The following BBOF1 variants were observed in gnomAD, a reference collection of about 807,000 sequenced individuals.
BBOF1 encodes the protein basal body-orientation factor 1.
BBOF1 carries 62 observed loss-of-function variants against 68.0 expected under a neutral mutation model. The ratio of observed to expected loss-of-function variants is 0.91; its 90% CI spans 0.74 to 1.13. BBOF1 has a LOEUF of 1.13. Ranked by LOEUF, BBOF1 falls within the 50% of genes most tolerant of loss-of-function variation. The pLI, the probability that BBOF1 is intolerant of heterozygous loss-of-function variation, is 0.00. For synonymous variants in BBOF1, 208 were observed against 198.8 expected, an observed-to-expected ratio of 1.05 and a Z score of -0.39; for missense variants, 534 against 600.1, an observed-to-expected ratio of 0.89 and a Z score of 1.15.
chr14:74,050,938 G>A (rs984429510), intron 8 of BBOF1, among the ~76,000 whole-genome samples: 1 of 151,874 alleles, frequency 6.6e-6, no homozygotes, highest in East Asian at 1.9e-4. Context: ...GTGAAACCCT[G>A]TCCCACTAAA....
chr14:74,058,030 T>A, intron 11 of BBOF1: 2 of 544,736 alleles, frequency 3.7e-6, no homozygotes, highest in Non-Finnish European at 4.7e-6. Flanking sequence ...TGGATTGGAT[T>A]AAATATCACT....
rs190149575 is a variant in BBOF1 at position 74,028,605 on chromosome 14, C to T, written c.286-579C>T. On this transcript the variant is annotated intron_variant, in intron 2 of 11. Transcript: ENST00000394009. Reference sequence around the variant, plus strand: ...CTTCTTGAAACTCATCTTGGCTAGGCGCTATGGCTCACACCTATAATCCCA... The same window carrying T: ...CTTCTTGAAACTCATCTTGGCTAGGTGCTATGGCTCACACCTATAATCCCA... Among the ~76,000 whole-genome samples the T allele has an allele frequency of 7.2e-5, 11 of 151,824 alleles. No individual in the cohort carries two copies. In the East Asian group the frequency reaches 9.8e-4, roughly 13 times the overall value.
At chr14:74,066,534 T>C (rs1436532224), downstream of BBOF1, among the ~76,000 whole-genome samples, 1 of 152,162 alleles carries the variant, frequency 6.6e-6, no homozygotes, top group East Asian at 1.9e-4. Flanking sequence ...AGAGTTTGGT[T>C]GGGAGTTAGA....
chr14:74,061,286 T>C (rs1566824817), intron 11 of BBOF1, among the ~76,000 whole-genome samples: 1 of 150,402 alleles, frequency 6.6e-6, no homozygotes, highest in East Asian at 2.0e-4. Flanking sequence ...AGCTATTATA[T>C]AGTAGGCCAT....
chr14:74,076,295 C>A (rs756280797), intron 9 of BBOF1, among the ~76,000 whole-genome samples: 2 of 152,040 alleles, frequency 1.3e-5, no homozygotes, highest in Non-Finnish European at 2.9e-5. Context: ...AATCAGTAAA[C>A]GGGGAGGATC....
chr14:74,039,595 A>ATT (rs35078321), intron 4 of BBOF1, among the ~76,000 whole-genome samples: 2,030 of 145,032 alleles, frequency 0.014, 46 homozygotes, highest in African/African-American at 0.046. Context: ...CGCCTGGCTA[A>ATT]TTTTTTTTTT....
intron 9 of BBOF1, among the ~76,000 whole-genome samples, chr14:74,056,194 G>C (rs2060198177): frequency 7.7e-6 from 1 of 130,682 alleles, no homozygotes; most frequent in South Asian, 2.8e-4. Flanking sequence ...ACAACGCCCG[G>C]CTAATTTTTT....
intron 10 of BBOF1, among the ~76,000 whole-genome samples, chr14:74,078,850 A>T (rs2060641476): frequency 6.6e-6 from 1 of 151,436 alleles, no homozygotes; most frequent in Non-Finnish European, 1.5e-5. Flanking sequence ...TTTTTAGTAG[A>T]GACAGTGTTT....
intron 8 of BBOF1, among the ~76,000 whole-genome samples, chr14:74,053,432 C>T (rs1037855763): frequency 2.0e-5 from 3 of 149,714 alleles, no homozygotes; most frequent in Non-Finnish European, 4.4e-5. Flanking sequence ...TTTTTTGAGA[C>T]GGTCTCACTC....
intron 11 of BBOF1, chr14:74,060,836 C>CACTTTA: frequency 1.1e-6 from 1 of 895,834 alleles, no homozygotes. Context: ...TTATAAAGTG[C>CACTTTA]TACTCACTTT....
At chr14:74,049,628 C>G (rs1457170461) in intron 7 of BBOF1, 74 bp from the exon 8 acceptor site, 1 of 1,344,348 alleles carries the variant, frequency 7.4e-7, no homozygotes, top group Non-Finnish European at 9.9e-7. Context: ...TGCCACTGCC[C>G]TCCAGCCTGG....
downstream of BBOF1, chr14:74,071,035 C>T (rs573772267): frequency 3.5e-5 from 26 of 751,396 alleles, no homozygotes; most frequent in African/African-American, 1.4e-4. Flanking sequence ...GTTACCTTGG[C>T]GCACAAAGAT....
intron 1 of BBOF1, among the ~76,000 whole-genome samples, chr14:74,022,234 A>G (rs1021300774): frequency 6.6e-6 from 1 of 152,034 alleles, no homozygotes; most frequent in African/African-American, 2.4e-5. Context: ...ATATGGGAGA[A>G]TCAAATAAGT....
At chr14:74,022,765 C>T (rs2059332028) in intron 1 of BBOF1, 151 bp from the exon 2 acceptor site, 2 of 387,536 alleles carry the variant, frequency 5.2e-6, no homozygotes, top group African/African-American at 2.1e-5. Flanking sequence ...CTTATTCTTC[C>T]AACAATATTT....
intron 11 of BBOF1, chr14:74,060,535 A>G (rs761987609): frequency 1.0e-5 from 9 of 865,510 alleles, no homozygotes; most frequent in African/African-American, 8.3e-5. Flanking sequence ...TTTAGTTACA[A>G]TGTATTCCAA....
intron 2 of BBOF1, among the ~76,000 whole-genome samples, chr14:74,027,149 C>A (rs1293159550): frequency 1.6e-5 from 2 of 122,582 alleles, no homozygotes; most frequent in Non-Finnish European, 3.2e-5. Flanking sequence ...TGCAGTGGTG[C>A]GATCTTGGCT....
intron 9 of BBOF1, among the ~76,000 whole-genome samples, chr14:74,056,551 G>T (rs2060211775): frequency 6.6e-6 from 1 of 152,010 alleles, no homozygotes; most frequent in Admixed American, 6.6e-5. Context: ...GGCCAGGCTG[G>T]TCACAAACTC....
At chr14:74,060,532 A>G (rs1306666124) in intron 11 of BBOF1, 4 of 851,342 alleles carry the variant, frequency 4.7e-6, no homozygotes, top group Non-Finnish European at 8.1e-6. Flanking sequence ...GATTTTAGTT[A>G]CAATGTATTC....
At chr14:74,068,306 G>A (rs1475414823), downstream of BBOF1, among the ~76,000 whole-genome samples, 5 of 152,064 alleles carry the variant, frequency 3.3e-5, no homozygotes, top group African/African-American at 1.2e-4. Context: ...TAGAACCTGG[G>A]AGGTGGAGGT....
Sources: gnomAD v4.1 joint callset for allele counts (sites outside exome capture counted in the v4.1 genomes callset) on GRCh38, gnomAD v4.1.1 for gene constraint, MANE v1.5 for transcripts, NCBI Gene and HGNC (gene_info 2026-07-23, HGNC 2026-07-21) for gene names.